ZNF469: variants seen among roughly 807,000 people sequenced by gnomAD.
ZNF469 encodes the protein zinc finger protein 469.
A neutral mutation model predicts 1.0 loss-of-function variants in ZNF469; 1 was observed. That is an observed-to-expected ratio of 1.00 (90% confidence interval 0.35 to 4.73). The LOEUF is 4.73. Among genes scored for constraint, ZNF469 ranks in the 30% most tolerant of loss-of-function variants. The probability of loss-of-function intolerance (pLI) is 0.16; values close to 1 mark genes in which losing one functional copy is unlikely to be tolerated. For missense variants in ZNF469, 6,100 were observed against 5,356.3 expected (o/e 1.14, Z -4.33); for synonymous variants, 2,703 against 2,363.4 (o/e 1.14, Z -4.17).
chr16:88,341,597 C>G, the ZNF469 span, among the ~76,000 whole-genome samples: 6 of 152,242 alleles, frequency 3.9e-5, no homozygotes, highest in Non-Finnish European at 8.8e-5. Flanking sequence ...AACTCCCGCA[C>G]GGCTCACAGC....
chr16:88,356,169 T>G, the ZNF469 span, among the ~76,000 whole-genome samples: 1 of 152,074 alleles, frequency 6.6e-6, no homozygotes, highest in Non-Finnish European at 1.5e-5. Flanking sequence ...CTCGTGCCCC[T>G]CCCACACCAC....
At chr16:88,304,225 G>C in the ZNF469 span, among the ~76,000 whole-genome samples, 1 of 152,192 alleles carries the variant, frequency 6.6e-6, no homozygotes, top group African/African-American at 2.4e-5. Context: ...TCTTATCTGG[G>C]AGGTCACGGA....
the ZNF469 span, among the ~76,000 whole-genome samples, chr16:88,347,547 G>T: frequency 6.6e-6 from 1 of 152,130 alleles, no homozygotes; most frequent in African/African-American, 2.4e-5. Flanking sequence ...TGGACTTCCA[G>T]CCTCCAGAAC....
chr16:88,156,866 C>T, the ZNF469 span, among the ~76,000 whole-genome samples: 7 of 151,956 alleles, frequency 4.6e-5, no homozygotes, highest in Admixed American at 6.6e-5. Context: ...GCCTGGCCCA[C>T]GAACACCCAA....
At chr16:88,226,365 C>T in the ZNF469 span, among the ~76,000 whole-genome samples, 11 of 152,002 alleles carry the variant, frequency 7.2e-5, no homozygotes, top group Non-Finnish European at 1.6e-4. Context: ...GGAGAGGCCA[C>T]GTGCAGCGGG....
At chr16:88,284,403 C>G in the ZNF469 span, among the ~76,000 whole-genome samples, 1 of 152,070 alleles carries the variant, frequency 6.6e-6, no homozygotes, top group African/African-American at 2.4e-5. Flanking sequence ...ATGACTTGAG[C>G]CCATGAGTTT....
chr16:88,274,777 G>A, the ZNF469 span, among the ~76,000 whole-genome samples: 27 of 152,354 alleles, frequency 1.8e-4, no homozygotes, highest in Admixed American at 1.5e-3. Flanking sequence ...GTAGCTTCAT[G>A]GAGGACTCGC....
chr16:88,255,430 A>G, the ZNF469 span, among the ~76,000 whole-genome samples: 3 of 152,234 alleles, frequency 2.0e-5, no homozygotes, highest in African/African-American at 2.4e-5. Context: ...TAATAAACTT[A>G]ATTTTTAGAG....
At chr16:88,344,631 C>T in the ZNF469 span, among the ~76,000 whole-genome samples, 1 of 152,190 alleles carries the variant, frequency 6.6e-6, no homozygotes, top group Non-Finnish European at 1.5e-5. Flanking sequence ...CTGCTGTGCA[C>T]CCTCAGGCGG....
the ZNF469 span, among the ~76,000 whole-genome samples, chr16:88,373,663 G>T: frequency 3.9e-5 from 6 of 152,190 alleles, no homozygotes; most frequent in African/African-American, 1.4e-4. Flanking sequence ...TAAGCACAGA[G>T]GGCTACCTTC....
At chr16:88,213,130 G>A in the ZNF469 span, among the ~76,000 whole-genome samples, 6 of 151,272 alleles carry the variant, frequency 4.0e-5, no homozygotes, top group East Asian at 7.8e-4. Context: ...ATGGAGTCTC[G>A]CTCTGTGGCC....
the ZNF469 span, among the ~76,000 whole-genome samples, chr16:88,296,462 CCA>C: frequency 6.3e-3 from 934 of 149,242 alleles, 8 homozygotes; most frequent in African/African-American, 0.021. Flanking sequence ...ACCCTCCCCC[CCA>C]CACACAGTGC....
chr16:88,133,221 G>C, the ZNF469 span, among the ~76,000 whole-genome samples: 2 of 152,240 alleles, frequency 1.3e-5, no homozygotes, highest in African/African-American at 4.8e-5. Context: ...TTCCGCCCTC[G>C]TCCTTGGTAT....
intron 1 of ZNF469, among the ~76,000 whole-genome samples, chr16:88,418,867 G>C (rs530230912): frequency 6.6e-6 from 1 of 152,366 alleles, no homozygotes; most frequent in African/African-American, 2.4e-5. Flanking sequence ...AAGGAAAGGA[G>C]AATGTTTGTG....
the ZNF469 span, among the ~76,000 whole-genome samples, chr16:88,363,963 G>C: frequency 1.3e-5 from 2 of 152,178 alleles, no homozygotes; most frequent in Non-Finnish European, 2.9e-5. Flanking sequence ...GTGTCTACTG[G>C]TGAACCGATG....
the ZNF469 span, among the ~76,000 whole-genome samples, chr16:88,123,461 T>C: frequency 6.6e-6 from 1 of 152,086 alleles, no homozygotes; most frequent in Non-Finnish European, 1.5e-5. Flanking sequence ...TAAACTGCCG[T>C]GGATGAAGAT....
chr16:88,426,460 C>T (rs747870157), intron 2 of ZNF469, among the ~76,000 whole-genome samples: 13 of 152,386 alleles, frequency 8.5e-5, no homozygotes, highest in South Asian at 2.1e-4. Context: ...AGGACAGTCC[C>T]GTATGTCATG....
At chr16:88,332,299 C>T in the ZNF469 span, among the ~76,000 whole-genome samples, 1 of 152,240 alleles carries the variant, frequency 6.6e-6, no homozygotes, top group Non-Finnish European at 1.5e-5. Flanking sequence ...TCCAAGAATG[C>T]TGTGGCTTAT....
chr16:88,248,128 G>A, the ZNF469 span, among the ~76,000 whole-genome samples: 3 of 152,110 alleles, frequency 2.0e-5, no homozygotes, highest in Admixed American at 6.5e-5. Flanking sequence ...GACTTTGGGG[G>A]CTTGTGAACC....
Sources: gnomAD v4.1 joint callset for allele counts (sites outside exome capture counted in the v4.1 genomes callset) on GRCh38, gnomAD v4.1.1 for gene constraint, MANE v1.5 for transcripts, NCBI Gene and HGNC (gene_info 2026-07-23, HGNC 2026-07-21) for gene names.